GPR158: variants seen among roughly 807,000 people sequenced by gnomAD.
The protein encoded by GPR158 is G protein-coupled receptor 158, also known as metabotropic glycine receptor.
GPR158 carries 30 observed loss-of-function variants against 78.2 expected under a neutral mutation model. That is an observed-to-expected ratio of 0.38 (90% CI 0.29 to 0.52). The LOEUF is 0.52. Among genes scored for constraint, GPR158 ranks in the 20% least tolerant of loss-of-function variants. GPR158 has a pLI of 0.83. For synonymous variants in GPR158, 581 were observed against 591.1 expected, an observed-to-expected ratio of 0.98 and a Z score of 0.25; for missense variants, 1,463 against 1,523.5, an observed-to-expected ratio of 0.96 and a Z score of 0.66.
At chr10:25,360,510 C>G (rs1855620413) in intron 2 of GPR158, among the ~76,000 whole-genome samples, 1 of 151,976 alleles carries the variant, frequency 6.6e-6, no homozygotes, top group African/African-American at 2.4e-5. Context: ...AATAGGGAAT[C>G]CTTTCCCCAT....
chr10:25,589,251 T>C lies in GPR158; in HGVS notation c.1892+106T>C, dbSNP rs1837310052. On this transcript the variant is annotated intron_variant, in intron 8 of 10. Transcript: ENST00000376351. ...GCATAATAGAAAGACTTAGCAAAGA[T>C]AGCATTTTATAAGTGGACTAATTTC... The C allele has an allele frequency of 8.6e-6, 6 of 693,822 alleles. No homozygotes were observed. In the South Asian group the frequency reaches 2.2e-4, roughly 26 times the overall value. 43.0% of individuals were successfully genotyped at this position (693,822 alleles called of 1,614,324 possible).
chr10:25,396,082 C>T (rs1462719587), intron 3 of GPR158, 69 bp downstream of exon 3: 1 of 685,454 alleles, frequency 1.5e-6, no homozygotes, highest in East Asian at 2.9e-5. Flanking sequence ...CGAAGATTTT[C>T]TTTTATCCTT....
chr10:25,175,028 C>A lies in GPR158; in HGVS notation c.-393C>A, dbSNP rs1233311336. 2.2e-5 allele frequency: 4 copies of A among 185,844 alleles called. No homozygotes were observed. The highest frequency in any genetic ancestry group is 4.4e-5 in the Non-Finnish European group (4 of 90,336). The allele number at this position is 185,844 out of a possible 1,614,324, so 11.5% of individuals were successfully genotyped here. ...GGAGCAGCGTCTTCGGCGGCCGCGG[C>A]GGCAGCAGCAGCAGCAGCTTCTGAA... On this transcript the variant is annotated 5_prime_UTR_variant, in exon 1 of 11. Coordinates refer to ENST00000376351, the MANE Select transcript of GPR158 (RefSeq NM_020752.3). The surrounding 1 kb of genome is among the most constrained non-coding windows in gnomAD (Gnocchi z 6.4).
At chr10:25,487,751 GCTTCC>G (rs1166193885) in intron 5 of GPR158, among the ~76,000 whole-genome samples, 1 of 152,098 alleles carries the variant, frequency 6.6e-6, no homozygotes, top group Non-Finnish European at 1.5e-5. Flanking sequence ...GTTTGATTTT[GCTTCC>G]CCAGAAATTG....
At chr10:25,488,878 A>G (rs1312326802) in intron 5 of GPR158, among the ~76,000 whole-genome samples, 1 of 152,062 alleles carries the variant, frequency 6.6e-6, no homozygotes, top group Non-Finnish European at 1.5e-5. Flanking sequence ...AAACCTTTGA[A>G]AGTTATTTTA....
At chr10:25,444,925 C>T (rs1835120969) in intron 4 of GPR158, among the ~76,000 whole-genome samples, 1 of 152,148 alleles carries the variant, frequency 6.6e-6, no homozygotes, top group South Asian at 2.1e-4. Context: ...CTCAACTTCT[C>T]TGATCTATAC....
intron 4 of GPR158, among the ~76,000 whole-genome samples, chr10:25,417,239 G>A (rs1405855433): frequency 6.6e-6 from 1 of 152,166 alleles, no homozygotes; most frequent in Non-Finnish European, 1.5e-5. Flanking sequence ...TTCCCCAAAT[G>A]TGTGCTGATG....
chr10:25,529,892 TAAC>T (rs1389530997), intron 5 of GPR158, among the ~76,000 whole-genome samples: 4 of 152,198 alleles, frequency 2.6e-5, no homozygotes, highest in African/African-American at 9.6e-5. Flanking sequence ...CTTGCTCCCC[TAAC>T]AACTGCCAAG....
intron 6 of GPR158, among the ~76,000 whole-genome samples, chr10:25,566,091 C>A (rs1836925635): frequency 6.6e-6 from 1 of 152,098 alleles, no homozygotes; most frequent in Non-Finnish European, 1.5e-5. Context: ...CCTGCAGTGG[C>A]ATGGCAAAGG....
intron 1 of GPR158, among the ~76,000 whole-genome samples, chr10:25,205,561 C>G (rs1241185436): frequency 3.3e-5 from 5 of 152,072 alleles, no homozygotes; most frequent in African/African-American, 4.8e-5. Flanking sequence ...GCAGTTAGCA[C>G]TATAAAGGTT....
intron 5 of GPR158, among the ~76,000 whole-genome samples, chr10:25,482,680 C>T (rs1408870117): frequency 1.3e-5 from 2 of 152,092 alleles, no homozygotes; most frequent in Admixed American, 6.6e-5. Context: ...GTGCCAACAC[C>T]ACCCAAATTT....
chr10:25,427,135 A>C (rs1423623150), intron 4 of GPR158, among the ~76,000 whole-genome samples: 1 of 152,050 alleles, frequency 6.6e-6, no homozygotes. Context: ...TTCTGTCAAG[A>C]GTAACTCCAA....
intron 2 of GPR158, among the ~76,000 whole-genome samples, chr10:25,262,403 G>T (rs936659727): frequency 1.3e-5 from 2 of 152,102 alleles, no homozygotes; most frequent in African/African-American, 4.8e-5. Context: ...AAGACATTCT[G>T]TAACTTCTTA....
chr10:25,282,540 A>G (rs1854290205), intron 2 of GPR158, among the ~76,000 whole-genome samples: 1 of 152,164 alleles, frequency 6.6e-6, no homozygotes, highest in African/African-American at 2.4e-5. Context: ...CTTCTAAGAA[A>G]GAGACACACT....
chr10:25,398,758 CTT>C (rs1429326506), intron 3 of GPR158, among the ~76,000 whole-genome samples: 1 of 152,216 alleles, frequency 6.6e-6, no homozygotes, highest in Non-Finnish European at 1.5e-5. Flanking sequence ...AGAGGCCACT[CTT>C]TTCAGGAAGA....
intron 2 of GPR158, among the ~76,000 whole-genome samples, chr10:25,238,583 CA>C (rs1475988421): frequency 1.3e-5 from 2 of 152,150 alleles, no homozygotes; most frequent in African/African-American, 4.8e-5. Flanking sequence ...TGTGACTCCA[CA>C]GAGATTTATG....
chr10:25,519,965 G>C (rs199552492), intron 5 of GPR158, among the ~76,000 whole-genome samples: 1,707 of 19,858 alleles, frequency 0.086, 37 homozygotes, highest in East Asian at 0.16. Context: ...ATCCTGCAGA[G>C]TGTTTTCCAA....
chr10:25,367,284 A>G (rs1855737718), intron 2 of GPR158, among the ~76,000 whole-genome samples: 1 of 151,634 alleles, frequency 6.6e-6, no homozygotes, highest in African/African-American at 2.4e-5. Context: ...GTCATACATC[A>G]TCACTCCTTG....
chr10:25,585,841 T>C (rs566537263), intron 7 of GPR158, among the ~76,000 whole-genome samples: 1 of 152,242 alleles, frequency 6.6e-6, no homozygotes, highest in African/African-American at 2.4e-5. Flanking sequence ...TAACCAGGCA[T>C]GGTGGCTCAT....
Sources: gnomAD v4.1 joint callset for allele counts (sites outside exome capture counted in the v4.1 genomes callset) on GRCh38, gnomAD v4.1.1 for gene constraint, Gnocchi (gnomAD v3.1) non-coding constraint, MANE v1.5 for transcripts, NCBI Gene and HGNC (gene_info 2026-07-23, HGNC 2026-07-21) for gene names.